SLC36A3: variants seen among roughly 807,000 people sequenced by gnomAD.
The protein encoded by SLC36A3 is proton-coupled amino acid transporter 3.
Under a neutral mutation model 44.3 loss-of-function variants are expected in SLC36A3, and 35 were observed. The ratio of observed to expected loss-of-function variants is 0.79; its 90% CI spans 0.60 to 1.05. The LOEUF (loss-of-function observed/expected upper bound fraction) is 1.05, where lower values mean the gene tolerates loss of function less well. SLC36A3 is among the 50% of genes least tolerant of loss of function. The pLI is 0.00. For synonymous variants in SLC36A3, 211 were observed against 227.6 expected, an observed-to-expected ratio of 0.93 and a Z score of 0.66; for missense variants, 540 against 578.7, an observed-to-expected ratio of 0.93 and a Z score of 0.69.
Position 151,284,104 on chromosome 5 carries a change from C to A in SLC36A3, c.914G>T (p.Gly305Val). ...IILYILLGTL[G>V]YMKFGSDTQA... ...GGTGTCTGACCCAAACTTCATGTAGCCCAGTGTCCCCAGTAAGATATAGAG... is the reference window on the plus strand; with the variant it reads ...GGTGTCTGACCCAAACTTCATGTAGACCAGTGTCCCCAGTAAGATATAGAG... The change falls in exon 8 of 10, where the codon GGC becomes GTC. Residue 305 changes from glycine to valine, a missense_variant. Gly to Val is a moderately radical substitution (Grantham distance 109). Coordinates refer to ENST00000335230, the MANE Select transcript of SLC36A3 (RefSeq NM_181774.4). 6.2e-7 allele frequency: 1 copy of A among 1,614,084 alleles called. No individual in the cohort carries two copies. The highest frequency in any genetic ancestry group is 8.5e-7 in the Non-Finnish European group (1 of 1,180,002).
In SLC36A3 at chr5:151,277,211, C is replaced by A. The variant is rs970997811; in HGVS notation, c.*182G>T. 2 of 807,242 alleles carry A rather than the reference C, an allele frequency of 2.5e-6. No homozygotes were observed. The highest frequency in any genetic ancestry group is 4.6e-5 in the South Asian group (2 of 43,730). 50.0% of individuals were successfully genotyped at this position (807,242 alleles called of 1,614,324 possible). ...AAAGGCCATCCAAAAAATATAAAAC[C>A]AAAAGAGGTGTAGCCTGAGAGACAT... On this transcript the variant is annotated 3_prime_UTR_variant, in exon 10 of 10. Transcript: ENST00000335230.
chr5:151,293,474 C>T lies in SLC36A3; in HGVS notation c.309-15G>A. On this transcript the variant is annotated splice_polypyrimidine_tract_variant and intron_variant, in intron 3 of 9. Coordinates refer to ENST00000335230, the MANE Select transcript of SLC36A3 (RefSeq NM_181774.4). ...TCTTCTGCAGTCTAGGGGGAAAGAA[C>T]AAACAATGCATAATTTAAAACATTT... 6.3e-7 allele frequency: 1 copy of T among 1,594,568 alleles called. No homozygotes were observed. Among genetic ancestry groups the T allele is most frequent in the Non-Finnish European group, 8.6e-7 (1 of 1,166,588 alleles).
At chr5:151,298,789 G>A (rs1328571006) in intron 1 of SLC36A3, 106 bp from the exon 2 acceptor site, 3 of 1,048,180 alleles carry the variant, frequency 2.9e-6, no homozygotes, top group Non-Finnish European at 4.3e-6. Context: ...ATAGGAAGAG[G>A]GGCAAAACCT....
At chr5:151,282,223 C>T (rs1211813737) in intron 8 of SLC36A3, among the ~76,000 whole-genome samples, 1 of 141,280 alleles carries the variant, frequency 7.1e-6, no homozygotes, top group Non-Finnish European at 1.5e-5. Context: ...AGAAGCGATG[C>T]AACGGTACGA....
At chr5:151,303,022 T>G (rs1275616404) in intron 1 of SLC36A3, among the ~76,000 whole-genome samples, 1 of 152,170 alleles carries the variant, frequency 6.6e-6, no homozygotes, top group African/African-American at 2.4e-5. Context: ...TCTAGCTGGG[T>G]TCTTCGTAAA....
chr5:151,286,459 A>C (rs1343040849), intron 6 of SLC36A3, among the ~76,000 whole-genome samples: 2 of 151,870 alleles, frequency 1.3e-5, no homozygotes, highest in African/African-American at 4.8e-5. Context: ...TGCCCCACTA[A>C]TTTTTAAATT....
chr5:151,291,796 C>G (rs1037702244), intron 4 of SLC36A3, among the ~76,000 whole-genome samples: 1 of 152,140 alleles, frequency 6.6e-6, no homozygotes, highest in African/African-American at 2.4e-5. Context: ...TCCCAGTGAC[C>G]ATTCCTCTAA....
intron 3 of SLC36A3, among the ~76,000 whole-genome samples, chr5:151,295,385 C>T (rs866772475): frequency 2.0e-5 from 3 of 152,200 alleles, no homozygotes; most frequent in Admixed American, 6.5e-5. Flanking sequence ...CATTTAACTA[C>T]GGAATGAGTA....
At chr5:151,281,338 G>C (rs1368288604) in intron 8 of SLC36A3, among the ~76,000 whole-genome samples, 155 bp from the exon 9 acceptor site, 2 of 152,172 alleles carry the variant, frequency 1.3e-5, no homozygotes, top group Non-Finnish European at 2.9e-5. Context: ...CTGGTCCCAA[G>C]CATTTTGGAT....
chr5:151,295,813 G>A (rs1219369471), intron 3 of SLC36A3, among the ~76,000 whole-genome samples: 1 of 152,232 alleles, frequency 6.6e-6, no homozygotes, highest in East Asian at 1.9e-4. Context: ...GGGTATTGGA[G>A]TGGGAGAAGG....
rs749402065 is a variant in SLC36A3 at position 151,293,416 on chromosome 5, C to T, written c.352G>A (p.Gly118Ser). Residue 118 changes from glycine to serine, a missense_variant, in exon 4 of 10, where the codon GGC (glycine) becomes AGC (serine). Transcript: ENST00000335230. ...FVNYGEATMYGLETCPNTWLR... is the reference protein window; with the variant it reads ...FVNYGEATMYSLETCPNTWLR... ...CAGGTGTTCGGGCAGGTTTCAAGGC[C>T]GTACATCGTGGCCTCTCCATAGTTC... The T allele has an allele frequency of 1.0e-4, 167 of 1,613,724 alleles. No homozygotes were observed. The highest frequency in any genetic ancestry group is 1.3e-4 in the Non-Finnish European group (151 of 1,179,880).
intron 8 of SLC36A3, 122 bp from the exon 9 acceptor site, chr5:151,281,305 A>G: frequency 1.0e-6 from 1 of 962,992 alleles, no homozygotes; most frequent in South Asian, 1.7e-5. Flanking sequence ...AAAATCTGAA[A>G]TGCTTCAAAA....
At chr5:151,291,728 A>G (rs1482350749) in intron 4 of SLC36A3, among the ~76,000 whole-genome samples, 5 of 152,126 alleles carry the variant, frequency 3.3e-5, no homozygotes, top group East Asian at 1.9e-4. Flanking sequence ...TAAATATGAG[A>G]TGCTAAGATG....
intron 8 of SLC36A3, among the ~76,000 whole-genome samples, chr5:151,282,267 C>T (rs917956594): frequency 2.0e-5 from 3 of 152,050 alleles, no homozygotes; most frequent in Admixed American, 6.6e-5. Flanking sequence ...CTCCTGGATT[C>T]AAGCAATTCT....
intron 2 of SLC36A3, chr5:151,296,614 A>G: frequency 3.3e-6 from 1 of 306,474 alleles, no homozygotes; most frequent in Admixed American, 4.7e-5. Context: ...ACTTCCTCCA[A>G]GATGATTGAG....
intron 5 of SLC36A3, among the ~76,000 whole-genome samples, chr5:151,287,992 G>C (rs1014266035): frequency 3.9e-5 from 6 of 152,338 alleles, no homozygotes; most frequent in African/African-American, 1.2e-4. Flanking sequence ...AAAGAAGGCT[G>C]TGGTTGATTT....
chr5:151,285,830 C>T (rs1034079569), intron 6 of SLC36A3, among the ~76,000 whole-genome samples: 1 of 152,158 alleles, frequency 6.6e-6, no homozygotes, highest in African/African-American at 2.4e-5. Flanking sequence ...GGAAGGCGGC[C>T]TGAGCCAAGG....
chr5:151,281,908 T>A (rs1398447694), intron 8 of SLC36A3, among the ~76,000 whole-genome samples: 2 of 152,134 alleles, frequency 1.3e-5, no homozygotes, highest in Admixed American at 6.6e-5. Flanking sequence ...TTCCCACCCT[T>A]GATTCCTAGC....
At position 151,303,407 on chromosome 5, in the gene SLC36A3, C is replaced by G; in HGVS notation, c.-53G>C. The stretch of plus-strand genomic sequence containing the variant: ...GCTCAGGGTTAAGGCTCTGAATGAG[C>G]CTCTGATGGGTCTTTCTCCAGAGAA... On this transcript the variant is annotated 5_prime_UTR_variant, in exon 1 of 10. Transcript: ENST00000335230. The G allele has an allele frequency of 6.4e-7, 1 of 1,566,732 alleles. No individual in the cohort carries two copies. Among genetic ancestry groups the G allele is most frequent in the Non-Finnish European group, 8.7e-7 (1 of 1,151,526 alleles).
Sources: gnomAD v4.1 joint callset for allele counts (sites outside exome capture counted in the v4.1 genomes callset) on GRCh38, gnomAD v4.1.1 for gene constraint, MANE v1.5 for transcripts, NCBI Gene and HGNC (gene_info 2026-07-23, HGNC 2026-07-21) for gene names.